Variants in SEMA6D observed in about 807,000 individuals in gnomAD.
SEMA6D encodes semaphorin-6D.
SEMA6D carries 35 observed loss-of-function variants against 106.6 expected under a neutral mutation model. That is an observed-to-expected ratio of 0.33 (90% CI 0.25 to 0.44). The LOEUF (loss-of-function observed/expected upper bound fraction) is 0.44. Among genes scored for constraint, SEMA6D ranks in the 20% least tolerant of loss-of-function variants. The pLI, the probability that SEMA6D is intolerant of heterozygous loss-of-function variation, is 1.00. For synonymous variants in SEMA6D, 499 were observed against 487.7 expected, an observed-to-expected ratio of 1.02 and a Z score of -0.31; for missense variants, 1,185 against 1,345.9, an observed-to-expected ratio of 0.88 and a Z score of 1.87.
intron 3 of SEMA6D, among the ~76,000 whole-genome samples, chr15:47,529,372 A>G (rs1215619733): frequency 6.6e-6 from 1 of 152,178 alleles, no homozygotes; most frequent in Admixed American, 6.6e-5. Context: ...AAATCTGCAT[A>G]TAAGCATATA....
intron 1 of SEMA6D, among the ~76,000 whole-genome samples, chr15:47,243,506 G>A (rs987435731): frequency 2.0e-5 from 3 of 152,052 alleles, no homozygotes; most frequent in Non-Finnish European, 4.4e-5. Flanking sequence ...TAGTTACGTG[G>A]TAGGAAGATA....
chr15:47,707,093 G>C (rs1235694259), intron 4 of SEMA6D, among the ~76,000 whole-genome samples: 1 of 152,182 alleles, frequency 6.6e-6, no homozygotes, highest in Admixed American at 6.5e-5. Context: ...TGGCTGTCAA[G>C]AGGTGATTCT....
intron 4 of SEMA6D, among the ~76,000 whole-genome samples, chr15:47,694,021 T>C (rs953299178): frequency 2.6e-5 from 4 of 152,142 alleles, no homozygotes; most frequent in African/African-American, 9.7e-5. Context: ...AATGTGCAGA[T>C]AGATTTGGAA....
chr15:47,667,004 C>G (rs752956199), intron 4 of SEMA6D, among the ~76,000 whole-genome samples: 2 of 152,080 alleles, frequency 1.3e-5, no homozygotes, highest in Non-Finnish European at 2.9e-5. Flanking sequence ...ATTGGAGTCA[C>G]ACGAGCCCAC....
intron 1 of SEMA6D, among the ~76,000 whole-genome samples, chr15:47,193,173 G>T (rs1894084156): frequency 6.6e-6 from 1 of 152,118 alleles, no homozygotes; most frequent in Non-Finnish European, 1.5e-5. Context: ...TCCCTTAATA[G>T]CTGTGAGACT....
At chr15:47,184,441 A>AT (rs1181129728) in intron 1 of SEMA6D, 1 of 152,096 alleles carries the variant, frequency 6.6e-6, no homozygotes. Context: ...TTTTCTCTCC[A>AT]TTTCTCCTCC....
At chr15:47,334,947 T>C (rs372111095) in intron 1 of SEMA6D, among the ~76,000 whole-genome samples, 46 of 152,274 alleles carry the variant, frequency 3.0e-4, no homozygotes, top group African/African-American at 9.4e-4. Context: ...ATAGGTAAAA[T>C]GAAAGTAAAA....
chr15:47,771,277 A>T lies in SEMA6D; in HGVS notation c.2714A>T (p.Gln905Leu). 6.2e-7 allele frequency: 1 copy of T among 1,614,076 alleles called. No homozygotes were observed. Among genetic ancestry groups the T allele is most frequent in the Admixed American group, 1.7e-5 (1 of 60,010 alleles). The change falls in exon 19 of 19, where the codon CAG becomes CTG. Residue 905 changes from glutamine (Q) to leucine (L), a missense_variant. Physicochemically the swap from Gln to Leu is moderately radical, Grantham distance 113. Around this residue, in one of 3 missense-constraint regions of SEMA6D, gnomAD observed 750 missense variants for 783.5 expected, o/e 0.96. Transcript: ENST00000536845. ...ATGGGAGACATCCAGATGGCACACC[A>T]GAACTTAATGCTGGATCCCATGGGA... ...AIMGDIQMAH[Q>L]NLMLDPMGSM...
intron 1 of SEMA6D, among the ~76,000 whole-genome samples, chr15:47,212,684 T>A (rs780762741): frequency 1.3e-5 from 2 of 152,226 alleles, no homozygotes; most frequent in Non-Finnish European, 2.9e-5. Context: ...TAAAGTAGCA[T>A]TTCCTTTCTT....
intron 3 of SEMA6D, among the ~76,000 whole-genome samples, chr15:47,521,444 C>A (rs1231906913): frequency 6.6e-6 from 1 of 152,206 alleles, no homozygotes; most frequent in Non-Finnish European, 1.5e-5. Flanking sequence ...TCGGATCTGA[C>A]TACCTGGTGT....
chr15:47,753,024 A>G (rs1222771942), intron 1 of SEMA6D, among the ~76,000 whole-genome samples: 1 of 151,934 alleles, frequency 6.6e-6, no homozygotes, highest in African/African-American at 2.4e-5. Context: ...AAAAATAAGC[A>G]CATGGGAAAG....
intron 4 of SEMA6D, among the ~76,000 whole-genome samples, chr15:47,606,902 T>C (rs1392616633): frequency 6.6e-6 from 1 of 152,172 alleles, no homozygotes; most frequent in Non-Finnish European, 1.5e-5. Context: ...CCTCTGGCAA[T>C]GGAGAGATGC....
intron 2 of SEMA6D, among the ~76,000 whole-genome samples, chr15:47,428,051 C>T (rs918709679): frequency 6.6e-6 from 1 of 152,012 alleles, no homozygotes; most frequent in African/African-American, 2.4e-5. Flanking sequence ...TTAGGTGTTT[C>T]ATCATGTTAT....
chr15:47,620,005 G>A (rs942920462), intron 4 of SEMA6D, among the ~76,000 whole-genome samples: 1 of 152,096 alleles, frequency 6.6e-6, no homozygotes, highest in East Asian at 1.9e-4. Flanking sequence ...GTGACTGAAA[G>A]GATGTGTCTT....
At chr15:47,646,671 T>C (rs1267487898) in intron 4 of SEMA6D, among the ~76,000 whole-genome samples, 1 of 152,168 alleles carries the variant, frequency 6.6e-6, no homozygotes, top group Non-Finnish European at 1.5e-5. Flanking sequence ...GGCCTTCACT[T>C]TCTCGGAATA....
intron 1 of SEMA6D, among the ~76,000 whole-genome samples, chr15:47,251,342 A>C (rs1473107189): frequency 6.6e-6 from 1 of 152,184 alleles, no homozygotes; most frequent in Non-Finnish European, 1.5e-5. Flanking sequence ...AGTTCTACTC[A>C]TGAATCTTGT....
At chr15:47,411,664 G>C (rs924275023) in intron 1 of SEMA6D, among the ~76,000 whole-genome samples, 2 of 152,036 alleles carry the variant, frequency 1.3e-5, no homozygotes, top group African/African-American at 4.8e-5. Flanking sequence ...TTTCAAAGAG[G>C]CTTCATAGAA....
At chr15:47,742,808 A>T (rs1446480241) in intron 1 of SEMA6D, among the ~76,000 whole-genome samples, 3 of 152,172 alleles carry the variant, frequency 2.0e-5, no homozygotes, top group African/African-American at 7.2e-5. Flanking sequence ...TTGTCCCTGT[A>T]TCCTTCATAC....
At chr15:47,387,430 G>A (rs1383332754) in intron 1 of SEMA6D, among the ~76,000 whole-genome samples, 1 of 152,168 alleles carries the variant, frequency 6.6e-6, no homozygotes, top group Non-Finnish European at 1.5e-5. Context: ...TTGTGACCTT[G>A]TATTAGTACC....
Sources: gnomAD v4.1 joint callset for allele counts (sites outside exome capture counted in the v4.1 genomes callset) on GRCh38, gnomAD v4.1.1 for gene constraint, gnomAD v4.1.1 regional missense constraint, MANE v1.5 for transcripts, NCBI Gene and HGNC (gene_info 2026-07-23, HGNC 2026-07-21) for gene names.